The following CSMD1 variants were observed in gnomAD, a reference collection of about 807,000 sequenced individuals.
CSMD1 encodes the protein CUB and sushi domain-containing protein 1.
CSMD1 carries 213 observed loss-of-function variants against 417.5 expected under a neutral mutation model. The ratio of observed to expected loss-of-function variants is 0.51; its 90% confidence interval spans 0.46 to 0.57. CSMD1 has a LOEUF of 0.57. Ranked by LOEUF, CSMD1 falls within the 20% of genes least tolerant of loss-of-function variation. The pLI, the probability that CSMD1 is intolerant of heterozygous loss-of-function variation, is 0.00. For missense variants in CSMD1, 6,923 were observed against 4,529.7 expected, an observed-to-expected ratio of 1.53 and a Z score of -15.17; for synonymous variants, 2,862 against 1,736.8, an observed-to-expected ratio of 1.65 and a Z score of -16.11.
At chr8:4,156,925 G>A (rs937422453) in intron 3 of CSMD1, among the ~76,000 whole-genome samples, 2 of 152,096 alleles carry the variant, frequency 1.3e-5, no homozygotes, top group African/African-American at 4.8e-5. Flanking sequence ...ACATTTGTGA[G>A]GGTTACGAAA....
At position 4,668,375 on chromosome 8, in the gene CSMD1, A is replaced by T. The variant is rs376514829; in HGVS notation, c.86-30817T>A. Among the ~76,000 whole-genome samples, 4 of 151,040 alleles carry T rather than the reference A, an allele frequency of 2.6e-5. No individual in the cohort carries two copies. The East Asian group carries it at 5.8e-4, about 22-fold the overall frequency. ...CTGCCTTGAACCCTCGTCTCTAGCC[A>T]CTGCCACACACAGCACTCTAACTTG... On this transcript the variant is annotated intron_variant, in intron 1 of 69. Transcript: ENST00000635120.
chr8:3,803,754 G>C (rs1251659637), intron 5 of CSMD1, among the ~76,000 whole-genome samples: 5 of 152,044 alleles, frequency 3.3e-5, no homozygotes, highest in Non-Finnish European at 5.9e-5. Context: ...TCTTGATTAG[G>C]GTCCTGAAGT....
chr8:3,818,007 T>A (rs529879456), intron 5 of CSMD1, among the ~76,000 whole-genome samples: 2 of 152,190 alleles, frequency 1.3e-5, no homozygotes, highest in Non-Finnish European at 2.9e-5. Context: ...CATTTTTACT[T>A]TATTTTAAAA....
At position 3,526,748 on chromosome 8, in the gene CSMD1, C is replaced by T. The variant is rs117745562; in HGVS notation, c.1345-33022G>A. Among the ~76,000 whole-genome samples, 15 of 152,320 alleles carry T rather than the reference C, an allele frequency of 9.8e-5. No homozygotes were observed. The East Asian group carries it at 2.7e-3, about 27-fold the overall frequency. ...TCCCCTTCAATAAGTTACTTACCCTCATTCAGTTTCCCTTCCTGTAAAACA... is the reference window on the plus strand; with the variant it reads ...TCCCCTTCAATAAGTTACTTACCCTTATTCAGTTTCCCTTCCTGTAAAACA... On this transcript the variant is annotated intron_variant, in intron 10 of 69. Transcript: ENST00000635120.
At chr8:4,874,880 A>G (rs923799242) in intron 1 of CSMD1, among the ~76,000 whole-genome samples, 1 of 149,380 alleles carries the variant, frequency 6.7e-6, no homozygotes, top group African/African-American at 2.4e-5. Flanking sequence ...TATATATAGT[A>G]TAGAGTATAG....
chr8:3,963,781 C>G (rs1344982570), intron 5 of CSMD1, among the ~76,000 whole-genome samples: 1 of 152,036 alleles, frequency 6.6e-6, no homozygotes, highest in East Asian at 1.9e-4. Flanking sequence ...GTATAGCAAC[C>G]TAAGTCAGAC....
chr8:4,754,281 G>A (rs1039485783), intron 1 of CSMD1, among the ~76,000 whole-genome samples: 2 of 152,112 alleles, frequency 1.3e-5, no homozygotes, highest in Admixed American at 1.3e-4. Flanking sequence ...ACAATTGCCA[G>A]AAATTGCACT....
rs1801421474 is a variant in CSMD1 at position 2,935,856 on chromosome 8, C to G, written c.*2729G>C. On this transcript the variant is annotated 3_prime_UTR_variant, in exon 70 of 70. Coordinates refer to ENST00000635120, the MANE Select transcript of CSMD1 (RefSeq NM_033225.6). ...TTACAGAAGAAAAAAATTATTGCAGCTAGCCTGAAAAAAGGCAAGATGTGT... is the reference window on the plus strand; with the variant it reads ...TTACAGAAGAAAAAAATTATTGCAGGTAGCCTGAAAAAAGGCAAGATGTGT... 1 of 152,170 alleles carries G rather than the reference C, an allele frequency of 6.6e-6. No individual in the cohort carries two copies. Among genetic ancestry groups the G allele is most frequent in the Admixed American group, 6.6e-5 (1 of 15,266 alleles). 9.4% of individuals were successfully genotyped at this position (152,170 alleles called of 1,614,324 possible). A position where few individuals can be genotyped will look rare whatever the true frequency, so the allele number is the denominator to read the frequency against.
chr8:3,129,712 G>A (rs1309250176), intron 41 of CSMD1, among the ~76,000 whole-genome samples: 1 of 151,856 alleles, frequency 6.6e-6, no homozygotes, highest in African/African-American at 2.4e-5. Flanking sequence ...AGCTGGGCCG[G>A]GCGGGGTGGC....
At chr8:4,113,287 T>C (rs1585340029) in intron 3 of CSMD1, among the ~76,000 whole-genome samples, 1 of 150,916 alleles carries the variant, frequency 6.6e-6, no homozygotes, top group Admixed American at 6.6e-5. Flanking sequence ...AAGCTAGAAA[T>C]GATTAACTAA....
At chr8:3,290,430 T>C (rs1803463537) in intron 25 of CSMD1, among the ~76,000 whole-genome samples, 1 of 146,526 alleles carries the variant, frequency 6.8e-6, no homozygotes, top group Non-Finnish European at 1.5e-5. Context: ...TATGGCCATT[T>C]TCACAATATT....
chr8:3,747,956 G>T (rs542297771), intron 6 of CSMD1, among the ~76,000 whole-genome samples: 3 of 151,972 alleles, frequency 2.0e-5, no homozygotes, highest in Non-Finnish European at 4.4e-5. Flanking sequence ...CTTTTCTTCC[G>T]TTTGTCTAGA....
At chr8:4,853,133 G>A (rs1801583303) in intron 1 of CSMD1, among the ~76,000 whole-genome samples, 1 of 152,174 alleles carries the variant, frequency 6.6e-6, no homozygotes, top group South Asian at 2.1e-4. Context: ...GAATCCAAGT[G>A]GGCTATGGAG....
chr8:4,041,675 A>G (rs1797902443), intron 3 of CSMD1, among the ~76,000 whole-genome samples: 1 of 152,214 alleles, frequency 6.6e-6, no homozygotes, highest in Non-Finnish European at 1.5e-5. Flanking sequence ...TGAGCCAGAA[A>G]TAAAACAGAA....
At chr8:3,555,457 G>C (rs148161669) in intron 10 of CSMD1, among the ~76,000 whole-genome samples, 64 of 152,260 alleles carry the variant, frequency 4.2e-4, no homozygotes, top group African/African-American at 1.5e-3. Context: ...GCCCTGGCAG[G>C]TCAGAAGGTG....
intron 1 of CSMD1, among the ~76,000 whole-genome samples, chr8:4,777,744 G>A (rs138153887): frequency 1.6e-4 from 25 of 152,196 alleles, no homozygotes; most frequent in Non-Finnish European, 2.8e-4. Context: ...GTTTCAAAAT[G>A]TAATACATGC....
At chr8:4,590,470 G>A (rs1488928330) in intron 2 of CSMD1, among the ~76,000 whole-genome samples, 2 of 152,122 alleles carry the variant, frequency 1.3e-5, no homozygotes, top group African/African-American at 4.8e-5. Flanking sequence ...GTTCTGGTAT[G>A]TAGAATGTAA....
At chr8:4,398,896 A>T (rs1013523515) in intron 3 of CSMD1, among the ~76,000 whole-genome samples, 1 of 152,200 alleles carries the variant, frequency 6.6e-6, no homozygotes, top group Non-Finnish European at 1.5e-5. Context: ...ATAAAAAATA[A>T]AAGTCTCTAA....
intron 8 of CSMD1, among the ~76,000 whole-genome samples, chr8:3,593,576 A>C (rs1267597998): frequency 6.6e-6 from 1 of 152,198 alleles, no homozygotes; most frequent in Non-Finnish European, 1.5e-5. Context: ...TCTGACTTTT[A>C]ACCTGCTTCA....
Sources: allele counts gnomAD v4.1 joint callset (sites outside exome capture counted in the v4.1 genomes callset), GRCh38; gene constraint gnomAD v4.1.1; transcripts MANE v1.5; gene names NCBI Gene and HGNC (gene_info 2026-07-23, HGNC 2026-07-21).